Variants in BCL2 observed in about 807,000 individuals in gnomAD.
The protein encoded by BCL2 is BCL2 apoptosis regulator, also known as apoptosis regulator Bcl-2.
In BCL2, 1 loss-of-function variant was observed where a neutral mutation model predicts 14.2. That is an observed-to-expected ratio of 0.07 (90% CI 0.02 to 0.33). The LOEUF (loss-of-function observed/expected upper bound fraction) is 0.33, where lower values mean the gene tolerates loss of function less well. BCL2 is among the 10% of genes least tolerant of loss of function. The pLI is 0.99. For missense variants in BCL2, 247 were observed against 305.9 expected (o/e 0.81, Z 1.44); for synonymous variants, 151 against 137.2 (o/e 1.10, Z -0.70).
chr18:63,302,770 G>A (rs1415300512), intron 2 of BCL2: 3 of 985,210 alleles, frequency 3.0e-6, no homozygotes, highest in East Asian at 1.1e-4. Flanking sequence ...AGAATTTCGC[G>A]TTTAAGTTTC....
rs1007675599 is a variant in BCL2, at chr18:63,319,678, C to T, written c.-791G>A. The T allele has an allele frequency of 9.2e-6, 2 of 217,822 alleles. No individual in the cohort carries two copies. The highest frequency in any genetic ancestry group is 4.5e-5 in the African/African-American group (2 of 44,432). The allele number at this position is 217,822 out of a possible 1,614,324, so 13.5% of individuals were successfully genotyped here. On this transcript the variant is annotated 5_prime_UTR_variant, in exon 1 of 3. Transcript: ENST00000333681. ...AACTCCGAACAGCAAATGCATTTTC[C>T]GAAAAGCTGCTGGATAAATGAAGGC...
chr18:63,314,666 G>T (rs1913441799), intron 2 of BCL2: 1 of 152,116 alleles, frequency 6.6e-6, no homozygotes, highest in South Asian at 2.1e-4. Flanking sequence ...TCAATCCCTT[G>T]CCTGCAAGAG....
rs113259943 is a variant in BCL2, at chr18:63,220,091, T to C, written c.586-91332A>G. ...CAGTTATAATGCGCATTTGGAGCCA[T>C]GGAAGTAGCTGAAAAAACAAGAATG... On this transcript the variant is annotated intron_variant, in intron 2 of 2. Transcript: ENST00000333681. Among the ~76,000 whole-genome samples the C allele has an allele frequency of 9.8e-3, 1,496 of 152,312 alleles. 31 individuals are homozygous for C. The highest frequency in any genetic ancestry group is 0.034 in the African/African-American group (1,409 of 41,558).
chr18:63,219,191 T>G (rs1298232584), intron 2 of BCL2, among the ~76,000 whole-genome samples: 1 of 152,206 alleles, frequency 6.6e-6, no homozygotes, highest in Admixed American at 6.5e-5. Context: ...ATTTTACTCT[T>G]GCAGGTTTTT....
chr18:63,234,421 C>T (rs1910766543), intron 2 of BCL2, among the ~76,000 whole-genome samples: 1 of 152,226 alleles, frequency 6.6e-6, no homozygotes, highest in East Asian at 1.9e-4. Context: ...GACATGATCT[C>T]ATTCCTTTTT....
At chr18:63,289,680 G>A (rs1912589334) in intron 2 of BCL2, among the ~76,000 whole-genome samples, 1 of 152,128 alleles carries the variant, frequency 6.6e-6, no homozygotes, top group Non-Finnish European at 1.5e-5. Context: ...GATCACTTGA[G>A]GTCAGGAGTT....
intron 2 of BCL2, among the ~76,000 whole-genome samples, chr18:63,189,711 C>T (rs1015076316): frequency 1.6e-5 from 2 of 121,602 alleles, no homozygotes; most frequent in Non-Finnish European, 3.3e-5. Context: ...CCCCACCCAC[C>T]GCATCCAATG....
chr18:63,237,684 T>A (rs935992187), intron 2 of BCL2, among the ~76,000 whole-genome samples: 1 of 152,128 alleles, frequency 6.6e-6, no homozygotes, highest in African/African-American at 2.4e-5. Flanking sequence ...TGGTCAAAGG[T>A]CAGAGTTGCC....
At chr18:63,253,975 T>C (rs924058132) in intron 2 of BCL2, among the ~76,000 whole-genome samples, 2 of 152,096 alleles carry the variant, frequency 1.3e-5, no homozygotes, top group Non-Finnish European at 2.9e-5. Context: ...CCCACCTGTT[T>C]CTTTTACGTT....
At position 63,156,454 on chromosome 18, in the gene BCL2, G is replaced by A. The variant is rs184747530; in HGVS notation, c.586-27695C>T. ...AAACCCTTGTCTAGTGTGAAAACCC[G>A]AAATGTCTCCAGGCCGTGCCAAATG... On this transcript the variant is annotated intron_variant, in intron 2 of 2. Transcript: ENST00000333681. Among the ~76,000 whole-genome samples, 151 of 152,196 alleles carry A rather than the reference G, an allele frequency of 9.9e-4. 2 individuals are homozygous for A. Among genetic ancestry groups the A allele is most frequent in the African/African-American group, 3.6e-3 (148 of 41,516 alleles).
At chr18:63,167,728 C>T (rs141985324) in intron 2 of BCL2, among the ~76,000 whole-genome samples, 6 of 152,264 alleles carry the variant, frequency 3.9e-5, no homozygotes, top group African/African-American at 1.4e-4. Flanking sequence ...GAGATCAAGA[C>T]TATCCTGGCC....
chr18:63,160,541 A>G (rs1355164525), intron 2 of BCL2, among the ~76,000 whole-genome samples: 2 of 152,150 alleles, frequency 1.3e-5, no homozygotes, highest in African/African-American at 4.8e-5. Context: ...CTCTTCCAAA[A>G]TTCTGTTTCA....
intron 2 of BCL2, among the ~76,000 whole-genome samples, chr18:63,130,643 T>TA (rs1914039852): frequency 6.6e-6 from 1 of 152,240 alleles, no homozygotes; most frequent in Non-Finnish European, 1.5e-5. Flanking sequence ...CATTATTAAA[T>TA]ATAGATTTAT....
At chr18:63,319,059 A>C in intron 1 of BCL2, 107 bp from the exon 2 acceptor site, 12 of 1,085,382 alleles carry the variant, frequency 1.1e-5, no homozygotes, top group Non-Finnish European at 1.3e-5. Context: ...CACGGCTAAA[A>C]AGAATGTATT....
intron 2 of BCL2, among the ~76,000 whole-genome samples, chr18:63,244,084 A>G (rs1911087604): frequency 6.6e-6 from 1 of 152,148 alleles, no homozygotes; most frequent in Non-Finnish European, 1.5e-5. Context: ...TCTCTATTAA[A>G]AATACAAAAA....
intron 2 of BCL2, among the ~76,000 whole-genome samples, chr18:63,292,725 G>A (rs78852397): frequency 0.027 from 4,102 of 152,304 alleles, 177 homozygotes; most frequent in African/African-American, 0.094. Flanking sequence ...AGTTCTCCTT[G>A]ATTCTGGGAG....
chr18:63,179,591 G>A (rs763014689), intron 2 of BCL2, among the ~76,000 whole-genome samples: 1 of 152,158 alleles, frequency 6.6e-6, no homozygotes, highest in Non-Finnish European at 1.5e-5. Flanking sequence ...CCTATGTTGC[G>A]GTGCGGAAGG....
At chr18:63,190,368 C>T (rs1425510526) in intron 2 of BCL2, among the ~76,000 whole-genome samples, 1 of 152,216 alleles carries the variant, frequency 6.6e-6, no homozygotes, top group African/African-American at 2.4e-5. Context: ...ATAGCCCATT[C>T]TTTATTTAAA....
intron 2 of BCL2, among the ~76,000 whole-genome samples, chr18:63,190,375 TA>T (rs1909257042): frequency 6.6e-6 from 1 of 152,246 alleles, no homozygotes; most frequent in Non-Finnish European, 1.5e-5. Context: ...ATTCTTTATT[TA>T]AAACATCTTT....
Sources: gnomAD v4.1 joint callset for allele counts (sites outside exome capture counted in the v4.1 genomes callset) on GRCh38, gnomAD v4.1.1 for gene constraint, MANE v1.5 for transcripts, NCBI Gene and HGNC (gene_info 2026-07-23, HGNC 2026-07-21) for gene names.